MME: variants seen among roughly 807,000 people sequenced by gnomAD.
MME encodes neprilysin.
MME carries 98 observed loss-of-function variants against 113.2 expected under a neutral mutation model. That is an observed-to-expected ratio of 0.87 (90% CI 0.74 to 1.02). The LOEUF is 1.02. Ranked by LOEUF, MME falls within the 50% of genes least tolerant of loss-of-function variation. The pLI is 0.00. For synonymous variants in MME, 292 were observed against 300.6 expected (o/e 0.97, Z 0.30); for missense variants, 836 against 896.0 (o/e 0.93, Z 0.86).
chr3:155,173,946 A>T (rs1712246515), intron 22 of MME, among the ~76,000 whole-genome samples: 1 of 152,110 alleles, frequency 6.6e-6, no homozygotes, highest in East Asian at 1.9e-4. Flanking sequence ...TTAAATTATC[A>T]TGAGAGTTGC....
chr3:155,095,284 C>A (rs983950083), intron 3 of MME, among the ~76,000 whole-genome samples: 2 of 152,050 alleles, frequency 1.3e-5, no homozygotes, highest in African/African-American at 4.8e-5. Flanking sequence ...ACATATTGAC[C>A]AACTGATTGC....
chr3:155,179,964 CTTA>C (rs779487463), intron 22 of MME, among the ~76,000 whole-genome samples: 13 of 152,194 alleles, frequency 8.5e-5, no homozygotes, highest in Non-Finnish European at 1.2e-4. Context: ...TGACCAAACT[CTTA>C]TTATAATACA....
At chr3:155,063,713 TTA>T (rs1277567850) in intron 1 of MME, among the ~76,000 whole-genome samples, 1 of 137,114 alleles carries the variant, frequency 7.3e-6, no homozygotes, top group Non-Finnish European at 1.5e-5. Flanking sequence ...TTATATTATA[TTA>T]TATATACCAT....
chr3:155,166,823 G>C, intron 17 of MME, 79 bp from the exon 18 acceptor site: 2 of 1,573,088 alleles, frequency 1.3e-6, no homozygotes, highest in South Asian at 1.1e-5. Context: ...CTCCTGAGGA[G>C]GGAGGACTGT....
chr3:155,174,375 TGTG>T (rs1712307583), intron 22 of MME, among the ~76,000 whole-genome samples: 1 of 136,716 alleles, frequency 7.3e-6, no homozygotes, highest in Admixed American at 7.2e-5. Context: ...TGTGTGTGTG[TGTG>T]TGAAGGGTAA....
upstream of MME, among the ~76,000 whole-genome samples, chr3:155,078,378 T>C (rs1054908809): frequency 2.0e-5 from 3 of 152,134 alleles, no homozygotes; most frequent in Non-Finnish European, 4.4e-5. Context: ...TCAATAGCAC[T>C]TGTTAGGTCT....
intron 8 of MME, among the ~76,000 whole-genome samples, chr3:155,125,128 G>GT (rs557474078): frequency 0.64 from 86,715 of 134,482 alleles, 28,579 homozygotes; most frequent in South Asian, 0.7. Flanking sequence ...GTGGTGCGCC[G>GT]TTTTTAAGCC....
At chr3:155,101,556 C>T (rs900658807) in intron 3 of MME, among the ~76,000 whole-genome samples, 1 of 152,202 alleles carries the variant, frequency 6.6e-6, no homozygotes, top group East Asian at 1.9e-4. Flanking sequence ...GGATTTCACT[C>T]CTGGCTCATT....
At chr3:155,087,005 G>GC in intron 3 of MME, among the ~76,000 whole-genome samples, 1 of 140,928 alleles carries the variant, frequency 7.1e-6, no homozygotes, top group Admixed American at 7.1e-5. Flanking sequence ...GTTTTTTTTT[G>GC]TTTTTTTTTT....
At chr3:155,159,762 C>G (rs2108349716) in intron 16 of MME, among the ~76,000 whole-genome samples, 1 of 152,112 alleles carries the variant, frequency 6.6e-6, no homozygotes. Context: ...TATAGACAGA[C>G]AGACAGACCG....
rs1389346569 is a variant in MME, at chr3:155,181,444, A to G, written c.*985A>G. ...GAGATATATATACTTGTGGTTTTCAAATTGGACTTTCAAAATTAAATCTGT... is the reference window on the plus strand; with the variant it reads ...GAGATATATATACTTGTGGTTTTCAGATTGGACTTTCAAAATTAAATCTGT... On this transcript the variant is annotated 3_prime_UTR_variant, in exon 23 of 23. Coordinates refer to ENST00000360490, the MANE Select transcript of MME (RefSeq NM_007289.4). 6.6e-6 allele frequency: 1 copy of G among 152,152 alleles called. No homozygotes were observed. The highest frequency in any genetic ancestry group is 2.4e-5 in the African/African-American group (1 of 41,458). 9.4% of individuals were successfully genotyped at this position (152,152 alleles called of 1,614,324 possible).
intron 1 of MME, among the ~76,000 whole-genome samples, chr3:155,047,911 T>C (rs1713615745): frequency 6.6e-6 from 1 of 152,202 alleles, no homozygotes; most frequent in Admixed American, 6.5e-5. Context: ...TGTTAATCTG[T>C]TGTAGGTGTT....
intron 3 of MME, among the ~76,000 whole-genome samples, chr3:155,089,507 C>T (rs1422275010): frequency 6.6e-6 from 1 of 152,196 alleles, no homozygotes; most frequent in Non-Finnish European, 1.5e-5. Context: ...GCAGTCCTCT[C>T]CTAGTTGTGA....
chr3:155,115,000 G>A lies in MME; in HGVS notation c.203G>A (p.Arg68Gln), dbSNP rs199791655. Residue 68 changes from arginine (R) to glutamine (Q), a missense_variant, in exon 4 of 23, where the codon CGA becomes CAA. Coordinates refer to ENST00000360490, the MANE Select transcript of MME (RefSeq NM_007289.4). ...GTTTTCTCTGCTCTTGCAGCTGCTC[G>A]ACTGATCCAAAACATGGATGCCACC... ...KSSDCIKSAA[R>Q]LIQNMDATTE... 20 of 1,613,790 alleles carry A rather than the reference G, an allele frequency of 1.2e-5. No homozygotes were observed. Among genetic ancestry groups the A allele is most frequent in the East Asian group, 4.5e-5 (2 of 44,880 alleles).
chr3:155,098,212 A>G (rs144776199), intron 3 of MME, among the ~76,000 whole-genome samples: 184 of 152,280 alleles, frequency 1.2e-3, no homozygotes, highest in African/African-American at 4.4e-3. Context: ...CAGGGATGGC[A>G]CCACAGGATG....
In MME at chr3:155,115,419, TTTTG is replaced by T. The variant is rs140150260; in HGVS notation, c.358+284_358+287del. Among the ~76,000 whole-genome samples, 113,465 of 151,232 alleles carry T rather than the reference TTTTG, an allele frequency of 0.75. 42,715 individuals are homozygous for T. Among genetic ancestry groups the T allele is most frequent in the South Asian group, 0.9 (4,298 of 4,798 alleles). ...ATCTCTAGAGATGGCAGGTTTGGTT[TTTTG>T]TTTGTTTGTTTGTTTGTTTTTTGAG... On this transcript the variant is annotated intron_variant, in intron 4 of 22. Coordinates refer to ENST00000360490, the MANE Select transcript of MME (RefSeq NM_007289.4).
chr3:155,140,410 CTTTTTTTT>C (rs35653282), intron 10 of MME, 118 bp downstream of exon 10: 109 of 285,818 alleles, frequency 3.8e-4, no homozygotes, highest in Middle Eastern at 1.1e-3. Context: ...ACTTCAATTC[CTTTTTTTT>C]TTTTTTTTTT....
At chr3:155,093,765 A>G (rs906588280) in intron 3 of MME, among the ~76,000 whole-genome samples, 1 of 151,848 alleles carries the variant, frequency 6.6e-6, no homozygotes, top group Non-Finnish European at 1.5e-5. Context: ...CTGAGGCACA[A>G]GAATTGCTTG....
chr3:155,043,375 A>G lies in MME; in HGVS notation c.-11+19051A>G, dbSNP rs180874650. Among the ~76,000 whole-genome samples, 22 of 149,344 alleles carry G rather than the reference A, an allele frequency of 1.5e-4. No homozygotes were observed. The South Asian group carries it at 1.9e-3, about 13-fold the overall frequency. On this transcript the variant is annotated intron_variant, in intron 1 of 22. Transcript: ENST00000492661. ...AGACGGAGTTTCTCTCTTGTTGCCC[A>G]GGCTGGAATGCAATGGTGCGATCTT...
Sources: gnomAD v4.1 joint callset for allele counts (sites outside exome capture counted in the v4.1 genomes callset) on GRCh38, gnomAD v4.1.1 for gene constraint, MANE v1.5 for transcripts, NCBI Gene and HGNC (gene_info 2026-07-23, HGNC 2026-07-21) for gene names.